PHYHIPL: variants seen among roughly 807,000 people sequenced by gnomAD.
PHYHIPL encodes phytanoyl-CoA hydroxylase-interacting protein-like.
Under a neutral mutation model 33.4 loss-of-function variants are expected in PHYHIPL, and 9 were observed. The ratio of observed to expected loss-of-function variants is 0.27; its 90% confidence interval spans 0.16 to 0.47. PHYHIPL has a LOEUF of 0.47. Ranked by LOEUF, PHYHIPL falls within the 20% of genes least tolerant of loss-of-function variation. The pLI, the probability that PHYHIPL is intolerant of heterozygous loss-of-function variation, is 0.99. For missense variants in PHYHIPL, 365 were observed against 460.7 expected (o/e 0.79, Z 1.90); for synonymous variants, 153 against 154.1 (o/e 0.99, Z 0.05).
At chr10:59,194,524 G>A (rs1838860129) in intron 1 of PHYHIPL, among the ~76,000 whole-genome samples, 1 of 152,026 alleles carries the variant, frequency 6.6e-6, no homozygotes, top group South Asian at 2.1e-4. Context: ...TATTTTCATT[G>A]CACTGTGAAA....
chr10:59,175,308 T>C (rs974140314), upstream of PHYHIPL, among the ~76,000 whole-genome samples: 1 of 152,224 alleles, frequency 6.6e-6, no homozygotes, highest in African/African-American at 2.4e-5. Context: ...TTTATGAAAT[T>C]TCAATTGTGC....
At chr10:59,242,121 C>CT (rs912459737) in intron 4 of PHYHIPL, among the ~76,000 whole-genome samples, 9 of 152,208 alleles carry the variant, frequency 5.9e-5, no homozygotes, top group African/African-American at 2.2e-4. Context: ...CCATCCTCTG[C>CT]TAGGGTGGTA....
At chr10:59,221,621 T>A (rs1320623390) in intron 1 of PHYHIPL, 2 of 941,998 alleles carry the variant, frequency 2.1e-6, no homozygotes, top group Non-Finnish European at 1.3e-6. Flanking sequence ...AATTTTGTGC[T>A]GCTTCTCATG....
At chr10:59,236,412 C>A in intron 2 of PHYHIPL, 71 bp from the exon 3 acceptor site, 1 of 953,654 alleles carries the variant, frequency 1.0e-6, no homozygotes. Context: ...CCCTTTTCTT[C>A]TTTCTTCACT....
At position 59,217,949 on chromosome 10, in the gene PHYHIPL, T is replaced by TATTC. The variant is rs561572826; in HGVS notation, c.107-16347_107-16344dup. Among the ~76,000 whole-genome samples the TATTC allele has an allele frequency of 4.1e-3, 623 of 152,248 alleles. 2 individuals are homozygous for TATTC. The highest frequency in any genetic ancestry group is 5.6e-3 in the Non-Finnish European group (380 of 68,010). On this transcript the variant is annotated intron_variant, in intron 1 of 4. Transcript: ENST00000373880. ...GGACTAAGATCAGACTTTTATACTC[T>TATTC]ATTCATTCATTGCTACTTTCCAGTT...
Position 59,176,885 on chromosome 10 carries a change from A to C in PHYHIPL, c.32A>C (p.Asn11Thr). The change falls in exon 1 of 5, where the codon AAC (asparagine) becomes ACC (threonine). Residue 11 changes from asparagine to threonine, a missense_variant. This residue lies in a region of PHYHIPL where 89 missense variants were observed against 78.3 expected (regional missense o/e 1.14). Coordinates refer to ENST00000373880, the MANE Select transcript of PHYHIPL (RefSeq NM_032439.4). ...GTGCCGCGCCTGGATCATGCCCTCA[A>C]CAGCCCCACCAGCCCCTGTGAGGAG... is the stretch of plus-strand genomic sequence containing the variant. MEVPRLDHAL[N>T]SPTSPCEEVI... 1 of 1,613,420 alleles carries C rather than the reference A, an allele frequency of 6.2e-7. No individual in the cohort carries two copies. Among genetic ancestry groups the C allele is most frequent in the Non-Finnish European group, 8.5e-7 (1 of 1,179,748 alleles).
chr10:59,186,068 G>T (rs559618786), intron 1 of PHYHIPL, among the ~76,000 whole-genome samples: 3 of 151,952 alleles, frequency 2.0e-5, no homozygotes, highest in African/African-American at 7.2e-5. Flanking sequence ...GGTATTGCCT[G>T]GGTTTTCTTC....
intron 1 of PHYHIPL, among the ~76,000 whole-genome samples, chr10:59,211,262 TAGCC>T (rs760759607): frequency 8.6e-5 from 13 of 152,036 alleles, no homozygotes; most frequent in Non-Finnish European, 1.5e-4. Flanking sequence ...CCTGTAGTCC[TAGCC>T]ACTCAGGAGA....
intron 1 of PHYHIPL, among the ~76,000 whole-genome samples, chr10:59,230,212 CTTTT>C: frequency 8.1e-6 from 1 of 123,374 alleles, no homozygotes; most frequent in African/African-American, 3.1e-5. Flanking sequence ...AAATTGCTTT[CTTTT>C]TTTTTTTTTT....
chr10:59,228,791 T>C (rs773333911), intron 1 of PHYHIPL, among the ~76,000 whole-genome samples: 13 of 152,152 alleles, frequency 8.5e-5, no homozygotes, highest in Non-Finnish European at 1.9e-4. Context: ...GCTTATTATT[T>C]AAACTAACTA....
At position 59,236,535 on chromosome 10, in the gene PHYHIPL, G is replaced by T; in HGVS notation, c.356G>T (p.Arg119Leu). The T allele has an allele frequency of 6.2e-7, 1 of 1,610,312 alleles. No homozygotes were observed. The highest frequency in any genetic ancestry group is 8.5e-7 in the Non-Finnish European group (1 of 1,177,940). Residue 119 changes from arginine to leucine, a missense_variant, in exon 3 of 5, where the codon CGT (arginine) becomes CTT (leucine). By Grantham distance (102) the Arg-to-Leu change is moderately radical (BLOSUM62 -2). Coordinates refer to ENST00000373880, the MANE Select transcript of PHYHIPL (RefSeq NM_032439.4). The stretch of plus-strand genomic sequence containing the variant: ...GCTGTTCCCTTGCCTATGACTGTCC[G>T]TGGACACTGGTTTTTAAGCCCAAGA... ...AKAVPLPMTV[R>L]GHWFLSPRTE...
In PHYHIPL at chr10:59,234,424, C is replaced by A; in HGVS notation, c.227C>A (p.Ser76Ter). The change falls in exon 2 of 5, where the codon TCA becomes TAA. Residue 76 changes from serine (S) to a stop codon, truncating the protein, a stop_gained. Coordinates refer to ENST00000373880, the MANE Select transcript of PHYHIPL (RefSeq NM_032439.4). LOFTEE classifies it high-confidence loss of function. ...FKISWEMDSKSKDRITHYFID... is the reference protein window; with the variant it reads ...FKISWEMDSK ...ATTTCATGGGAAATGGATTCAAAAT[C>A]AAAGGATCGCATTACACACTATTTT... 6.2e-7 allele frequency: 1 copy of A among 1,603,830 alleles called. No individual in the cohort carries two copies. Among genetic ancestry groups the A allele is most frequent in the South Asian group, 1.1e-5 (1 of 89,416 alleles).
intron 4 of PHYHIPL, among the ~76,000 whole-genome samples, chr10:59,241,044 T>C (rs1032833485): frequency 2.6e-5 from 4 of 152,122 alleles, no homozygotes; most frequent in Non-Finnish European, 5.9e-5. Context: ...ATAAAATCCA[T>C]GTAAAATATG....
intron 1 of PHYHIPL, among the ~76,000 whole-genome samples, chr10:59,201,907 G>A (rs911983933): frequency 2.0e-5 from 3 of 152,092 alleles, no homozygotes; most frequent in Non-Finnish European, 4.4e-5. Flanking sequence ...AAATATATAG[G>A]AAGTTCTCCT....
intron 1 of PHYHIPL, among the ~76,000 whole-genome samples, chr10:59,186,848 T>C (rs1159434083): frequency 6.6e-6 from 1 of 152,226 alleles, no homozygotes; most frequent in Non-Finnish European, 1.5e-5. Context: ...GCTCATCAGC[T>C]TAAGGAGATT....
intron 1 of PHYHIPL, among the ~76,000 whole-genome samples, chr10:59,180,664 C>T (rs540410767): frequency 4.0e-5 from 6 of 151,208 alleles, no homozygotes; most frequent in African/African-American, 9.7e-5. Context: ...ACAATACTTA[C>T]GTGGAAAAAA....
intron 1 of PHYHIPL, chr10:59,221,719 A>G: frequency 4.1e-6 from 4 of 980,642 alleles, no homozygotes; most frequent in Non-Finnish European, 4.8e-6. Context: ...GAGATAAACA[A>G]GTTTTCCTGG....
At chr10:59,234,604 T>C in intron 2 of PHYHIPL, 104 bp downstream of exon 2, 1 of 736,830 alleles carries the variant, frequency 1.4e-6, no homozygotes, top group Non-Finnish European at 2.0e-6. Flanking sequence ...TTATGTGATG[T>C]ATTTGACTTG....
chr10:59,176,953 C>T lies in PHYHIPL; in HGVS notation c.100C>T (p.Arg34Trp). The T allele has an allele frequency of 6.2e-7, 1 of 1,612,940 alleles. No homozygotes were observed. Among genetic ancestry groups the T allele is most frequent in the South Asian group, 1.1e-5 (1 of 90,938 alleles). Residue 34 changes from arginine to tryptophan, a missense_variant, in exon 1 of 5, where the codon CGG becomes TGG. By Grantham distance (101) the Arg-to-Trp change is moderately radical. Transcript: ENST00000373880. Reference protein sequence around the residue: ...LSLEAIQLCDRDGNKSQDSGI... With the variant: ...LSLEAIQLCDWDGNKSQDSGI... ...CCTGGAGGCCATTCAGCTGTGCGAC[C>T]GGGACGGTAAGAGCGGCCGGGACCG...
Sources: allele counts gnomAD v4.1 joint callset (sites outside exome capture counted in the v4.1 genomes callset), GRCh38; gene constraint gnomAD v4.1.1; regional missense constraint gnomAD v4.1.1; transcripts MANE v1.5; gene names NCBI Gene and HGNC (gene_info 2026-07-23, HGNC 2026-07-21).